FAP: variants seen among roughly 807,000 people sequenced by gnomAD.
The protein encoded by FAP is fibroblast activation protein alpha.
A neutral mutation model predicts 126.5 loss-of-function variants in FAP; 110 were observed. The ratio of observed to expected loss-of-function variants is 0.87; its 90% CI spans 0.74 to 1.02. The LOEUF (loss-of-function observed/expected upper bound fraction) is 1.02. Ranked by LOEUF, FAP falls within the 50% of genes least tolerant of loss-of-function variation. FAP has a pLI of 0.00. For missense variants in FAP, 919 were observed against 909.2 expected, an observed-to-expected ratio of 1.01 and a Z score of -0.14; for synonymous variants, 334 against 297.3, an observed-to-expected ratio of 1.12 and a Z score of -1.27.
At chr2:162,221,752 G>C (rs1328911253) in intron 6 of FAP, 9 of 456,484 alleles carry the variant, frequency 2.0e-5, no homozygotes, top group South Asian at 1.2e-4. Flanking sequence ...AAAGGCGAGG[G>C]AGGATGCTTT....
chr2:162,221,133 G>C (rs978049343), intron 6 of FAP, among the ~76,000 whole-genome samples: 13 of 152,142 alleles, frequency 8.5e-5, no homozygotes, highest in African/African-American at 3.1e-4. Context: ...GATTCCCATG[G>C]AAAGTGACCA....
chr2:162,216,107 T>G (rs560925005), intron 9 of FAP, 106 bp from the exon 10 acceptor site: 1 of 717,160 alleles, frequency 1.4e-6, no homozygotes, highest in African/African-American at 1.8e-5. Flanking sequence ...AACAATCTTA[T>G]GTATATCACT....
At chr2:162,200,253 T>G (rs1688443055) in intron 15 of FAP, among the ~76,000 whole-genome samples, 1 of 152,152 alleles carries the variant, frequency 6.6e-6, no homozygotes, top group East Asian at 1.9e-4. Flanking sequence ...ACTCAACAAA[T>G]GTGTGTTAAA....
At chr2:162,210,678 T>C (rs539185617) in intron 11 of FAP, among the ~76,000 whole-genome samples, 5 of 152,170 alleles carry the variant, frequency 3.3e-5, no homozygotes, top group African/African-American at 4.8e-5. Flanking sequence ...GTTTGGTAAG[T>C]CTTTTGAAGG....
Position 162,225,488 on chromosome 2 carries a change from T to C in FAP, c.280A>G (p.Thr94Ala). Reference protein sequence around the residue: ...GQSYTILSNRTMKSVNASNYG... With the variant: ...GQSYTILSNRAMKSVNASNYG... ...AGATGATGTTGGATACATACCATGG[T>C]TCTATTACTCAAAATGGTATATGAT... Residue 94 changes from threonine (T) to alanine (A), a missense_variant, in exon 4 of 26, where the codon ACC (threonine) becomes GCC (alanine). Transcript: ENST00000188790. 2 of 1,598,702 alleles carry C rather than the reference T, an allele frequency of 1.3e-6. No individual in the cohort carries two copies. Among genetic ancestry groups the C allele is most frequent in the Admixed American group, 1.7e-5 (1 of 57,926 alleles).
rs926714738 is a variant in FAP, at chr2:162,171,359, A to T, written c.2182-279T>A. Reference sequence around the variant, plus strand: ...CTGGAAGATCAGGATCAGGCATCAGAGTTGCCAGAAGTGATGCACTGGGTC... The same window carrying T: ...CTGGAAGATCAGGATCAGGCATCAGTGTTGCCAGAAGTGATGCACTGGGTC... On this transcript the variant is annotated intron_variant, in intron 25 of 25. Transcript: ENST00000188790. 1.6e-5 allele frequency: 4 copies of T among 254,114 alleles called. No individual in the cohort carries two copies. In the East Asian group the frequency reaches 3.0e-4, roughly 19 times the overall value. 15.7% of individuals were successfully genotyped at this position (254,114 alleles called of 1,614,324 possible).
In FAP at chr2:162,194,811, G is replaced by A. The variant is rs1231912240; in HGVS notation, c.1403-63C>T. 1.7e-5 allele frequency: 24 copies of A among 1,434,408 alleles called. No homozygotes were observed. The Admixed American group carries it at 2.0e-4, about 12-fold the overall frequency. 88.9% of individuals were successfully genotyped at this position (1,434,408 alleles called of 1,614,324 possible). A position where few individuals can be genotyped will look rare whatever the true frequency, so the allele number is the denominator to read the frequency against. ...TAAAATAACAATTCCTTTTCAAGAC[G>A]GGCTGCTGGTAGTATTTGTGATTAG... On this transcript the variant is annotated intron_variant, in intron 16 of 25. Coordinates refer to ENST00000188790, the MANE Select transcript of FAP (RefSeq NM_004460.5).
chr2:162,242,891 T>C lies in FAP; in HGVS notation c.91+17A>G. ...AGCTATTCTAGGCAGATAGAGCAAA[T>C]CAGAGAAAGTTCTTACCTCTTGAAG... is the stretch of plus-strand genomic sequence containing the variant. On this transcript the variant is annotated intron_variant, in intron 2 of 25. Transcript: ENST00000188790. The C allele has an allele frequency of 6.3e-7, 1 of 1,599,526 alleles. No homozygotes were observed. Among genetic ancestry groups the C allele is most frequent in the African/African-American group, 1.3e-5 (1 of 74,684 alleles).
chr2:162,227,488 A>G (rs945810312), intron 2 of FAP, among the ~76,000 whole-genome samples: 1 of 152,156 alleles, frequency 6.6e-6, no homozygotes, highest in Non-Finnish European at 1.5e-5. Flanking sequence ...TTTTTTATCA[A>G]TATTGCCATT....
intron 25 of FAP, chr2:162,171,850 G>A (rs1194417431): frequency 4.6e-5 from 7 of 152,002 alleles, no homozygotes; most frequent in Non-Finnish European, 1.0e-4. Flanking sequence ...TGAATACAAT[G>A]TGTAATGATC....
chr2:162,209,363 G>A (rs12477178), intron 12 of FAP, among the ~76,000 whole-genome samples: 15,064 of 151,934 alleles, frequency 0.099, 1,645 homozygotes, highest in Admixed American at 0.24. Context: ...TACCTCAAGC[G>A]TTATTTTACA....
intron 14 of FAP, 72 bp downstream of exon 14, chr2:162,202,800 G>T: frequency 1.8e-6 from 2 of 1,097,328 alleles, no homozygotes; most frequent in Non-Finnish European, 2.8e-6. Flanking sequence ...AAGAGAGTTG[G>T]TACAGTATCA....
At position 162,242,870 on chromosome 2, in the gene FAP, A is replaced by G. The variant is rs745310685; in HGVS notation, c.91+38T>C. ...CTTGCATTAGTACATTTTCCAAGCT[A>G]TTCTAGGCAGATAGAGCAAATCAGA... On this transcript the variant is annotated intron_variant, in intron 2 of 25. Coordinates refer to ENST00000188790, the MANE Select transcript of FAP (RefSeq NM_004460.5). The G allele has an allele frequency of 6.0e-6, 9 of 1,504,238 alleles. No homozygotes were observed. The South Asian group carries it at 8.0e-5, about 13-fold the overall frequency. 93.2% of individuals were successfully genotyped at this position (1,504,238 alleles called of 1,614,324 possible).
chr2:162,236,121 ATAAACCAACCTTG>A (rs1268692373), intron 2 of FAP, among the ~76,000 whole-genome samples: 1 of 152,204 alleles, frequency 6.6e-6, no homozygotes, highest in African/African-American at 2.4e-5. Flanking sequence ...TTTTCAAATG[ATAAACCAACCTTG>A]TATTCTTGGG....
intron 21 of FAP, among the ~76,000 whole-genome samples, chr2:162,177,635 G>A (rs1362920798): frequency 1.3e-5 from 2 of 152,058 alleles, no homozygotes; most frequent in Admixed American, 1.3e-4. Context: ...GTACCAACTT[G>A]CACCATTCCT....
At chr2:162,220,456 T>A (rs999911907) in intron 6 of FAP, among the ~76,000 whole-genome samples, 1 of 152,242 alleles carries the variant, frequency 6.6e-6, no homozygotes, top group Non-Finnish European at 1.5e-5. Context: ...CTCTTCTACA[T>A]TCTCATTCAC....
In FAP at chr2:162,229,770, A is replaced by T. The variant is rs76337090; in HGVS notation, c.92-3149T>A. On this transcript the variant is annotated intron_variant, in intron 2 of 25. Coordinates refer to ENST00000188790, the MANE Select transcript of FAP (RefSeq NM_004460.5). ...AAGGTTGGACTTGATACTATATTTCATATTACTTCCTAGTTAGCAATTAAT... is the reference window on the plus strand; with the variant it reads ...AAGGTTGGACTTGATACTATATTTCTTATTACTTCCTAGTTAGCAATTAAT... 3.7e-4 allele frequency among the ~76,000 whole-genome samples: 56 copies of T among 152,288 alleles called. 1 individual carries two copies. Among genetic ancestry groups the T allele is most frequent in the Middle Eastern group, 3.4e-3 (1 of 294 alleles).
intron 12 of FAP, among the ~76,000 whole-genome samples, chr2:162,207,150 T>C (rs1688734778): frequency 6.6e-6 from 1 of 152,158 alleles, no homozygotes; most frequent in Non-Finnish European, 1.5e-5. Flanking sequence ...TCATTATAGG[T>C]CAAAGGAAGC....
chr2:162,179,759 GATCTATCT>G (rs1320073177), intron 21 of FAP, among the ~76,000 whole-genome samples: 17 of 134,842 alleles, frequency 1.3e-4, no homozygotes, highest in African/African-American at 4.4e-4. Context: ...AGGAAGCACA[GATCTATCT>G]ATCTATCTAT....
Sources: gnomAD v4.1 joint callset for allele counts (sites outside exome capture counted in the v4.1 genomes callset) on GRCh38, gnomAD v4.1.1 for gene constraint, MANE v1.5 for transcripts, NCBI Gene and HGNC (gene_info 2026-07-23, HGNC 2026-07-21) for gene names.